LCA5: variants seen among roughly 807,000 people sequenced by gnomAD.
LCA5 encodes lebercilin LCA5.
Under a neutral mutation model 53.0 loss-of-function variants are expected in LCA5, and 37 were observed. The ratio of observed to expected loss-of-function variants is 0.70; its 90% CI spans 0.54 to 0.92. The LOEUF (loss-of-function observed/expected upper bound fraction) is 0.92, where lower values mean the gene tolerates loss of function less well. Ranked by LOEUF, LCA5 falls within the 40% of genes least tolerant of loss-of-function variation. The probability of loss-of-function intolerance (pLI) is 0.00; values close to 1 mark genes in which losing one functional copy is unlikely to be tolerated. For missense variants in LCA5, 806 were observed against 790.5 expected (o/e 1.02, Z -0.23); for synonymous variants, 303 against 282.9 (o/e 1.07, Z -0.71).
intron 3 of LCA5, among the ~76,000 whole-genome samples, chr6:79,495,154 T>C (rs1437891725): frequency 6.6e-6 from 1 of 152,196 alleles, no homozygotes; most frequent in Non-Finnish European, 1.5e-5. Flanking sequence ...CAAACCCTAT[T>C]GTGAACTGTG....
In LCA5 at chr6:79,487,665, A is replaced by G. The variant is rs1440875846; in HGVS notation, c.1433T>C (p.Leu478Pro). Residue 478 changes from leucine (L) to proline (P), a missense_variant, in exon 8 of 8, where the codon CTC becomes CCC. Physicochemically the swap from Leu to Pro is moderately conservative, Grantham distance 98 (BLOSUM62 -3). Coordinates refer to ENST00000369846, the MANE Select transcript of LCA5 (RefSeq NM_001122769.3). Reference protein sequence around the residue: ...LAKLNEIDRELQDSRNLKYPV... With the variant: ...LAKLNEIDREPQDSRNLKYPV... ...GTATTTTAGATTTCGAGAATCTTGGAGTTCTCTGTCAATTTCATTCAGTTT... is the reference window on the plus strand; with the variant it reads ...GTATTTTAGATTTCGAGAATCTTGGGGTTCTCTGTCAATTTCATTCAGTTT... 42 of 1,613,728 alleles carry G rather than the reference A, an allele frequency of 2.6e-5. No individual in the cohort carries two copies. The highest frequency in any genetic ancestry group is 3.6e-5 in the Non-Finnish European group (42 of 1,179,818).
chr6:79,491,802 G>GTATA (rs142509128), intron 5 of LCA5, 72 bp from the exon 6 acceptor site: 22 of 1,159,170 alleles, frequency 1.9e-5, no homozygotes, highest in African/African-American at 3.1e-5. Flanking sequence ...CAGCTGGCAT[G>GTATA]TATATATATA....
At chr6:79,498,743 A>T (rs1770051918) in intron 3 of LCA5, among the ~76,000 whole-genome samples, 1 of 152,070 alleles carries the variant, frequency 6.6e-6, no homozygotes, top group African/African-American at 2.4e-5. Flanking sequence ...ACTGTTAAAA[A>T]TTAAAAGATT....
chr6:79,505,595 C>G (rs1221385329), intron 3 of LCA5, among the ~76,000 whole-genome samples: 1 of 152,094 alleles, frequency 6.6e-6, no homozygotes, highest in African/African-American at 2.4e-5. Flanking sequence ...CGACTGCAAC[C>G]TGGAGGTAAG....
intron 2 of LCA5, among the ~76,000 whole-genome samples, chr6:79,516,198 T>C (rs1176105250): frequency 6.6e-6 from 1 of 151,912 alleles, no homozygotes; most frequent in Non-Finnish European, 1.5e-5. Context: ...GCATTATATT[T>C]CCAATGGGCA....
upstream of LCA5, among the ~76,000 whole-genome samples, chr6:79,538,312 A>G (rs1767220377): frequency 1.3e-5 from 2 of 152,122 alleles, no homozygotes; most frequent in African/African-American, 4.8e-5. Context: ...AATGCGTTTA[A>G]TGAATCTTCT....
chr6:79,536,876 C>T (rs938584835), intron 1 of LCA5, among the ~76,000 whole-genome samples: 1 of 152,138 alleles, frequency 6.6e-6, no homozygotes, highest in Non-Finnish European at 1.5e-5. Flanking sequence ...AGTAAATACC[C>T]TTTCCCAGCT....
chr6:79,487,177 G>A lies in LCA5; in HGVS notation c.1921C>T (p.Pro641Ser). 6.2e-7 allele frequency: 1 copy of A among 1,613,914 alleles called. No individual in the cohort carries two copies. The highest frequency in any genetic ancestry group is 8.5e-7 in the Non-Finnish European group (1 of 1,179,892). The change falls in exon 8 of 8, where the codon CCT becomes TCT. Residue 641 changes from proline to serine, a missense_variant. Physicochemically the swap from Pro to Ser is moderately conservative, Grantham distance 74 (BLOSUM62 -1). Transcript: ENST00000369846. ...TGATCTCTGCTGCCTTTATTCCCAG[G>A]GAGAAAATTTAGAGGGTCAATGTCT... ...KGDIDPLNFL[P>S]GNKGSRDQEH...
At position 79,487,870 on chromosome 6, in the gene LCA5, T is replaced by A; in HGVS notation, c.1232-4A>T. Reference sequence around the variant, plus strand: ...TCAAGTTCTTCTCTTTCCCATTCTGTATGAAATCAAATTTTTTAAATGGGA... The same window carrying A: ...TCAAGTTCTTCTCTTTCCCATTCTGAATGAAATCAAATTTTTTAAATGGGA... On this transcript the variant is annotated splice_polypyrimidine_tract_variant and splice_region_variant and intron_variant, in intron 7 of 7. Transcript: ENST00000369846. The A allele has an allele frequency of 6.3e-7, 1 of 1,597,392 alleles. No homozygotes were observed. The highest frequency in any genetic ancestry group is 1.1e-5 in the South Asian group (1 of 87,920).
intron 3 of LCA5, among the ~76,000 whole-genome samples, chr6:79,499,152 A>T (rs564156054): frequency 1.3e-5 from 2 of 152,260 alleles, no homozygotes; most frequent in East Asian, 1.9e-4. Context: ...CTTACACATA[A>T]ATACACACAC....
At chr6:79,493,284 T>C (rs543557239) in intron 4 of LCA5, among the ~76,000 whole-genome samples, 1 of 152,202 alleles carries the variant, frequency 6.6e-6, no homozygotes, top group East Asian at 1.9e-4. Context: ...AATCATTGGG[T>C]GATCTGAGGA....
At chr6:79,515,976 C>A (rs934536550) in intron 2 of LCA5, among the ~76,000 whole-genome samples, 1 of 151,908 alleles carries the variant, frequency 6.6e-6, no homozygotes, top group Non-Finnish European at 1.5e-5. Flanking sequence ...AAGTGGGTAG[C>A]CCAAACTGGG....
Position 79,507,941 on chromosome 6 carries a change from C to A in LCA5, c.720+5271G>T, listed in dbSNP as rs188552059. ...TGTCTCATTTGCTGGCGCTGGATCTCTTTTTCAGACTCTTGAACCTGGTGC... is the reference window on the plus strand; with the variant it reads ...TGTCTCATTTGCTGGCGCTGGATCTATTTTTCAGACTCTTGAACCTGGTGC... On this transcript the variant is annotated intron_variant, in intron 3 of 7. Coordinates refer to ENST00000369846, the MANE Select transcript of LCA5 (RefSeq NM_001122769.3). Among the ~76,000 whole-genome samples the A allele has an allele frequency of 2.4e-3, 368 of 152,242 alleles. 2 individuals are homozygous for A. The highest frequency in any genetic ancestry group is 5.0e-3 in the South Asian group (24 of 4,822).
intron 3 of LCA5, among the ~76,000 whole-genome samples, chr6:79,499,377 G>C (rs1770069052): frequency 2.0e-5 from 3 of 152,014 alleles, no homozygotes; most frequent in Non-Finnish European, 4.4e-5. Context: ...CTTCAAAAGA[G>C]TAGTTACTTC....
chr6:79,515,264 T>G (rs1281366689), intron 2 of LCA5, among the ~76,000 whole-genome samples: 2 of 152,054 alleles, frequency 1.3e-5, no homozygotes, highest in Non-Finnish European at 2.9e-5. Flanking sequence ...ATATTCTCTG[T>G]TAGTAATAAG....
At chr6:79,521,986 T>C (rs1422847970) in intron 1 of LCA5, among the ~76,000 whole-genome samples, 1 of 152,168 alleles carries the variant, frequency 6.6e-6, no homozygotes, top group Non-Finnish European at 1.5e-5. Context: ...AGCAAACGAT[T>C]TAAACATATC....
intron 1 of LCA5, among the ~76,000 whole-genome samples, chr6:79,535,055 G>C (rs1454500180): frequency 6.6e-6 from 1 of 151,996 alleles, no homozygotes; most frequent in Non-Finnish European, 1.5e-5. Flanking sequence ...TAATATTCTG[G>C]ATATATGTGA....
rs761521978 is a variant in LCA5 at position 79,519,033 on chromosome 6, T to C, written c.-139A>G. The C allele has an allele frequency of 1.1e-6, 1 of 948,662 alleles. No individual in the cohort carries two copies. The highest frequency in any genetic ancestry group is 1.7e-6 in the Non-Finnish European group (1 of 592,240). The allele number at this position is 948,662 out of a possible 1,614,324, so 58.8% of individuals were successfully genotyped here. A position where few individuals can be genotyped will look rare whatever the true frequency, so the allele number is the denominator to read the frequency against. ...TCTGTGCAATCTATTTTCTCCACAA[T>C]GTATTTGTAGACCACAATTCACATT... On this transcript the variant is annotated 5_prime_UTR_variant, in exon 2 of 8. Coordinates refer to ENST00000369846, the MANE Select transcript of LCA5 (RefSeq NM_001122769.3).
intron 5 of LCA5, 141 bp from the exon 6 acceptor site, chr6:79,491,871 G>T: frequency 1.4e-6 from 1 of 695,878 alleles, no homozygotes; most frequent in Non-Finnish European, 2.5e-6. Context: ...TTTAAATGGA[G>T]AATATATATA....
Sources: allele counts gnomAD v4.1 joint callset (sites outside exome capture counted in the v4.1 genomes callset), GRCh38; gene constraint gnomAD v4.1.1; transcripts MANE v1.5; gene names NCBI Gene and HGNC (gene_info 2026-07-23, HGNC 2026-07-21).